LRWD1: variants seen among roughly 807,000 people sequenced by gnomAD.
LRWD1 encodes leucine rich repeats and WD repeat domain containing 1, also known as leucine-rich repeat and WD repeat-containing protein 1.
Under a neutral mutation model 75.6 loss-of-function variants are expected in LRWD1, and 76 were observed. The ratio of observed to expected loss-of-function variants is 1.01; its 90% CI spans 0.84 to 1.22. The LOEUF is 1.22. Among genes scored for constraint, LRWD1 ranks in the 50% most tolerant of loss-of-function variants. The probability of loss-of-function intolerance (pLI) is 0.00; values close to 1 mark genes in which losing one functional copy is unlikely to be tolerated. For missense variants in LRWD1, 917 were observed against 862.0 expected (o/e 1.06, Z -0.80); for synonymous variants, 487 against 377.0 (o/e 1.29, Z -3.38).
Position 102,472,674 on chromosome 7 carries a change from C to G in LRWD1, c.1691-18C>G. On this transcript the variant is annotated intron_variant, in intron 13 of 14. Coordinates refer to ENST00000292616, the MANE Select transcript of LRWD1 (RefSeq NM_152892.3). ...CGGGAGCTCTGCCCCCACTCAGACT[C>G]CACCTCTGTCCCGGCAGATAAGGGG... is the stretch of plus-strand genomic sequence containing the variant. The G allele has an allele frequency of 6.2e-7, 1 of 1,613,290 alleles. No individual in the cohort carries two copies. The highest frequency in any genetic ancestry group is 2.2e-5 in the East Asian group (1 of 44,880).
chr7:102,468,541 A>G lies in LRWD1; in HGVS notation c.920-13A>G, dbSNP rs1177523775. ...GTCTCTGCTCATCCGACCTCTCAAAACCGGGCACTCAGGGGCCACATCCCA... is the reference window on the plus strand; with the variant it reads ...GTCTCTGCTCATCCGACCTCTCAAAGCCGGGCACTCAGGGGCCACATCCCA... On this transcript the variant is annotated splice_polypyrimidine_tract_variant and intron_variant, in intron 7 of 14. Transcript: ENST00000292616. 1.3e-6 allele frequency: 2 copies of G among 1,559,608 alleles called. No homozygotes were observed. Among genetic ancestry groups the G allele is most frequent in the East Asian group, 4.8e-5 (2 of 41,638 alleles).
rs1204526824 is a variant in LRWD1, at chr7:102,472,673, T to G, written c.1691-19T>G. 2 of 1,613,206 alleles carry G rather than the reference T, an allele frequency of 1.2e-6. No homozygotes were observed. The highest frequency in any genetic ancestry group is 1.7e-6 in the Non-Finnish European group (2 of 1,179,840). On this transcript the variant is annotated intron_variant, in intron 13 of 14. Transcript: ENST00000292616. ...CCGGGAGCTCTGCCCCCACTCAGACTCCACCTCTGTCCCGGCAGATAAGGG... is the reference window on the plus strand; with the variant it reads ...CCGGGAGCTCTGCCCCCACTCAGACGCCACCTCTGTCCCGGCAGATAAGGG...
chr7:102,472,407 G>T, intron 12 of LRWD1, 47 bp from the exon 13 acceptor site: 1 of 1,548,072 alleles, frequency 6.5e-7, no homozygotes, highest in Non-Finnish European at 8.7e-7. Flanking sequence ...GTGGGAGAAG[G>T]TGTCTGGGAG....
chr7:102,468,425 G>T, intron 7 of LRWD1, 48 bp downstream of exon 7: 1 of 1,549,150 alleles, frequency 6.5e-7, no homozygotes, highest in Non-Finnish European at 8.7e-7. Context: ...AAATAGGGCC[G>T]CCTGGATGGG....
chr7:102,472,425 C>T (rs1798226629), intron 12 of LRWD1, 29 bp from the exon 13 acceptor site: 1 of 1,542,388 alleles, frequency 6.5e-7, no homozygotes, highest in East Asian at 2.4e-5. Flanking sequence ...GAGGGGCCAC[C>T]CTGCACAGCT....
chr7:102,472,598 G>C lies in LRWD1; in HGVS notation c.1679G>C (p.Ser560Thr). 1.9e-6 allele frequency: 3 copies of C among 1,609,128 alleles called. No individual in the cohort carries two copies. In the South Asian group the frequency reaches 3.3e-5, roughly 18 times the overall value. Residue 560 changes from serine to threonine, a missense_variant, in exon 13 of 15, where the codon AGC becomes ACC. Ser to Thr is a moderately conservative substitution (Grantham distance 58, BLOSUM62 1). Transcript: ENST00000292616. The part of the protein sequence containing the change: ...SSTELAYFSL[S>T]ACPDKGIVLC... ...ACCGAGTTGGCCTACTTCTCGCTCA[G>C]CGCCTGCCCTGGTGAGCCTGCCCCC...
rs993526415 is a variant in LRWD1 at position 102,472,465 on chromosome 7, A to C, written c.1546A>C (p.Ser516Arg). 7.2e-6 allele frequency: 11 copies of C among 1,535,924 alleles called. No homozygotes were observed. The highest frequency in any genetic ancestry group is 9.7e-6 in the Non-Finnish European group (11 of 1,138,466). Reference sequence around the variant, plus strand: ...CTTCTCCCCCACAGCCTCCAAGGGGAGCGGCCTGGGCACCATCTGCCTGTG... The same window carrying C: ...CTTCTCCCCCACAGCCTCCAAGGGGCGCGGCCTGGGCACCATCTGCCTGTG... ...VNEDIVASKG[S>R]GLGTICLWSW... The change falls in exon 13 of 15, where the codon AGC becomes CGC. Residue 516 changes from serine to arginine, a missense_variant. By Grantham distance (110) the Ser-to-Arg change is moderately radical. Transcript: ENST00000292616.
chr7:102,466,263 C>A lies in LRWD1; in HGVS notation c.425C>A (p.Thr142Asn). ...SQVENLNREL[T>N]SRVTAHWEKF... is the part of the protein sequence containing the mutation. ...GTGGAGAACCTGAATCGGGAGCTGA[C>A]CAGCAGGGTAAGGGGATGAGAGGAT... is the stretch of plus-strand genomic sequence containing the variant. Residue 142 changes from threonine to asparagine, a missense_variant, in exon 3 of 15, where the codon ACC becomes AAC. By Grantham distance (65) the Thr-to-Asn change is moderately conservative. Transcript: ENST00000292616. The A allele has an allele frequency of 6.2e-7, 1 of 1,612,938 alleles. No homozygotes were observed. The highest frequency in any genetic ancestry group is 2.2e-5 in the East Asian group (1 of 44,886).
intron 7 of LRWD1, 52 bp downstream of exon 7, chr7:102,468,429 G>T: frequency 6.5e-7 from 1 of 1,547,624 alleles, no homozygotes. Context: ...AGGGCCGCCT[G>T]GATGGGTGGG....
In LRWD1 at chr7:102,465,488, G is replaced by GTTTTTT. The variant is rs1797932813; in HGVS notation, c.80+328_81-328insTTTTTT. The GTTTTTT allele has an allele frequency of 4.3e-4, 46 of 108,044 alleles. 11 individuals carry two copies. Among genetic ancestry groups the GTTTTTT allele is most frequent in the African/African-American group, 2.0e-3 (40 of 19,954 alleles). The allele number at this position is 108,044 out of a possible 1,614,324, so 6.7% of individuals were successfully genotyped here. A position where few individuals can be genotyped will look rare whatever the true frequency, so the allele number is the denominator to read the frequency against. ...GCCCCCGAGTCCTAAAGTAGTTGCA[G>GTTTTTT]CTTTTTTTTTTTTTTTTTTTTTTTT... On this transcript the variant is annotated intron_variant, in intron 1 of 14. Coordinates refer to ENST00000292616, the MANE Select transcript of LRWD1 (RefSeq NM_152892.3).
In LRWD1 at chr7:102,469,874, A is replaced by G. The variant is rs374980971; in HGVS notation, c.1434A>G (p.Gln478=). ...GGGACGTGCGGCTGGACCAGCCCCAAAAGAGGAGGTGAGGCTGGGCAGGGG... is the reference window on the plus strand; with the variant it reads ...GGGACGTGCGGCTGGACCAGCCCCAGAAGAGGAGGTGAGGCTGGGCAGGGG... ...CCWDVRLDQP[Q]KRRVCEVEFV... Residue 478 remains glutamine, a synonymous_variant, in exon 11 of 15, where the codon CAA becomes CAG. Transcript: ENST00000292616. The G allele has an allele frequency of 1.1e-5, 18 of 1,566,250 alleles. No individual in the cohort carries two copies. Among genetic ancestry groups the G allele is most frequent in the African/African-American group, 6.8e-5 (5 of 73,986 alleles).
rs749204857 is a variant in LRWD1 at position 102,466,286 on chromosome 7, G to A, written c.432+16G>A. 1.9e-6 allele frequency: 3 copies of A among 1,597,082 alleles called. No homozygotes were observed. Among genetic ancestry groups the A allele is most frequent in the Admixed American group, 3.3e-5 (2 of 59,952 alleles). On this transcript the variant is annotated intron_variant, in intron 3 of 14. Transcript: ENST00000292616. ...GACCAGCAGGGTAAGGGGATGAGAG[G>A]ATTATTGTGTGCTTAGGAGCTGTGG...
Position 102,472,678 on chromosome 7 carries a change from C to G in LRWD1, c.1691-14C>G. ...AGCTCTGCCCCCACTCAGACTCCAC[C>G]TCTGTCCCGGCAGATAAGGGGATTG... On this transcript the variant is annotated splice_polypyrimidine_tract_variant and intron_variant, in intron 13 of 14. Transcript: ENST00000292616. 6.2e-7 allele frequency: 1 copy of G among 1,613,378 alleles called. No homozygotes were observed. Among genetic ancestry groups the G allele is most frequent in the Non-Finnish European group, 8.5e-7 (1 of 1,179,892 alleles).
chr7:102,467,071 GT>G (rs1394607496), intron 3 of LRWD1, among the ~76,000 whole-genome samples: 35 of 12,306 alleles, frequency 2.8e-3, no homozygotes, highest in Admixed American at 8.4e-3. Flanking sequence ...GTTGTTGCTG[GT>G]GTGTGTGTGT....
intron 11 of LRWD1, 171 bp from the exon 12 acceptor site, chr7:102,472,047 C>A: frequency 3.1e-6 from 2 of 644,824 alleles, no homozygotes; most frequent in Non-Finnish European, 2.7e-6. Flanking sequence ...GCTCCCCCTT[C>A]CAGGGCAAAC....
intron 5 of LRWD1, 38 bp downstream of exon 5, chr7:102,467,861 C>T (rs1359289154): frequency 1.8e-5 from 27 of 1,541,330 alleles, no homozygotes; most frequent in Non-Finnish European, 2.3e-5. Flanking sequence ...CCAGCCCAGT[C>T]CCTCCTCCCT....
intron 8 of LRWD1, 35 bp downstream of exon 8, chr7:102,468,689 T>C: frequency 1.2e-5 from 18 of 1,550,276 alleles, no homozygotes; most frequent in Non-Finnish European, 1.6e-5. Flanking sequence ...TGGGCAAGGG[T>C]GCCCGACTGA....
chr7:102,469,893 G>T lies in LRWD1; in HGVS notation c.1442+11G>T, dbSNP rs764109504. ...GCCCCAAAAGAGGAGGTGAGGCTGG[G>T]CAGGGGGCGCCTTGGAAGCCAGGCC... On this transcript the variant is annotated intron_variant, in intron 11 of 14. Coordinates refer to ENST00000292616, the MANE Select transcript of LRWD1 (RefSeq NM_152892.3). 2.0e-6 allele frequency: 3 copies of T among 1,519,364 alleles called. No individual in the cohort carries two copies. The highest frequency in any genetic ancestry group is 2.6e-6 in the Non-Finnish European group (3 of 1,135,916). 94.1% of individuals were successfully genotyped at this position (1,519,364 alleles called of 1,614,324 possible).
intron 8 of LRWD1, 72 bp from the exon 9 acceptor site, chr7:102,468,783 C>G (rs1445868047): frequency 6.4e-7 from 1 of 1,561,128 alleles, no homozygotes; most frequent in Non-Finnish European, 8.7e-7. Context: ...CTCCCTCCCC[C>G]AGGCCCGGGC....
Sources: gnomAD v4.1 joint callset for allele counts (sites outside exome capture counted in the v4.1 genomes callset) on GRCh38, gnomAD v4.1.1 for gene constraint, MANE v1.5 for transcripts, NCBI Gene and HGNC (gene_info 2026-07-23, HGNC 2026-07-21) for gene names.